The following L2HGDH variants were observed in gnomAD, a reference collection of about 807,000 sequenced individuals.
The protein encoded by L2HGDH is L-2-hydroxyglutarate dehydrogenase, mitochondrial.
A neutral mutation model predicts 51.5 loss-of-function variants in L2HGDH; 34 were observed. The observed-to-expected ratio is 0.66, with a 90% CI of 0.50 to 0.88. L2HGDH has a LOEUF of 0.88. L2HGDH is among the 40% of genes least tolerant of loss of function. The pLI is 0.00. For missense variants in L2HGDH, 558 were observed against 571.9 expected, an observed-to-expected ratio of 0.98 and a Z score of 0.25; for synonymous variants, 198 against 197.9, an observed-to-expected ratio of 1.00 and a Z score of -0.01.
At chr14:50,283,406 CACCTTCTGT>C (rs1890385523) in intron 5 of L2HGDH, among the ~76,000 whole-genome samples, 1 of 152,142 alleles carries the variant, frequency 6.6e-6, no homozygotes, top group African/African-American at 2.4e-5. Flanking sequence ...ATTCAGTCTG[CACCTTCTGT>C]ACCTACCTCT....
intron 6 of L2HGDH, among the ~76,000 whole-genome samples, chr14:50,270,601 G>A (rs4129162): frequency 0.093 from 14,147 of 152,130 alleles, 705 homozygotes; most frequent in Non-Finnish European, 0.12. Flanking sequence ...CCACCTCTTG[G>A]GTTCACGCCA....
chr14:50,299,306 A>C (rs1008434356), intron 3 of L2HGDH, among the ~76,000 whole-genome samples: 2 of 152,194 alleles, frequency 1.3e-5, no homozygotes, highest in African/African-American at 4.8e-5. Flanking sequence ...AACCAATAAA[A>C]GGCAATAAGA....
chr14:50,299,846 G>T (rs980885022), intron 3 of L2HGDH: 3 of 154,308 alleles, frequency 1.9e-5, no homozygotes, highest in African/African-American at 7.2e-5. Flanking sequence ...TTAAGATAAT[G>T]AGAAATACTT....
At position 50,269,084 on chromosome 14, in the gene L2HGDH, C is replaced by G. The variant is rs1889515492; in HGVS notation, c.906+79G>C. 14 of 1,204,496 alleles carry G rather than the reference C, an allele frequency of 1.2e-5. No homozygotes were observed. The East Asian group carries it at 3.5e-4, about 30-fold the overall frequency. The allele number at this position is 1,204,496 out of a possible 1,614,324, so 74.6% of individuals were successfully genotyped here. ...TTCAAAATTTCTCTTATTTCTGACCCAAGTGAAAGTTGTTTTCATCTCCTT... is the reference window on the plus strand; with the variant it reads ...TTCAAAATTTCTCTTATTTCTGACCGAAGTGAAAGTTGTTTTCATCTCCTT... On this transcript the variant is annotated intron_variant, in intron 7 of 9. Transcript: ENST00000267436.
intron 4 of L2HGDH, among the ~76,000 whole-genome samples, chr14:50,293,837 C>T (rs1014468084): frequency 3.9e-5 from 6 of 152,200 alleles, no homozygotes; most frequent in Non-Finnish European, 8.8e-5. Flanking sequence ...ACCCAATGCT[C>T]CCAACCACAC....
At chr14:50,285,028 A>G (rs1351682794) in intron 4 of L2HGDH, among the ~76,000 whole-genome samples, 1 of 152,144 alleles carries the variant, frequency 6.6e-6, no homozygotes, top group Non-Finnish European at 1.5e-5. Context: ...CAGGCGGATC[A>G]CAAGGTCAGG....
At position 50,247,037 on chromosome 14, in the gene L2HGDH, A is replaced by G. The variant is rs779550191; in HGVS notation, c.*21T>C. 6 of 1,609,240 alleles carry G rather than the reference A, an allele frequency of 3.7e-6. No homozygotes were observed. The highest frequency in any genetic ancestry group is 4.2e-6 in the Non-Finnish European group (5 of 1,177,074). ...GTTGCTGACATGAAGATTACAGTGC[A>G]TACCTAGCTCCTTTCATTATTTATA... On this transcript the variant is annotated 3_prime_UTR_variant, in exon 10 of 10. Coordinates refer to ENST00000267436, the MANE Select transcript of L2HGDH (RefSeq NM_024884.3).
In L2HGDH at chr14:50,283,926, A is replaced by T; in HGVS notation, c.648T>A (p.Asn216Lys). The T allele has an allele frequency of 6.2e-7, 1 of 1,614,160 alleles. No individual in the cohort carries two copies. The change falls in exon 5 of 10, where the codon AAT (asparagine) becomes AAA (lysine). Residue 216 changes from asparagine to lysine, a missense_variant. Asn to Lys is a moderately conservative substitution (Grantham distance 94). Coordinates refer to ENST00000267436, the MANE Select transcript of L2HGDH (RefSeq NM_024884.3). ...CCATTTCAATACCTTTTACTTCAAA[A>T]TTGGTCAAGACAGAGCCACCTGCTT... is the stretch of plus-strand genomic sequence containing the variant. ...FQEAGGSVLT[N>K]FEVKGIEMAK...
At chr14:50,270,631 C>G (rs541037445) in intron 6 of L2HGDH, among the ~76,000 whole-genome samples, 2 of 152,214 alleles carry the variant, frequency 1.3e-5, no homozygotes, top group Non-Finnish European at 2.9e-5. Context: ...CTCAGCCTTC[C>G]GAGTAGCCGG....
chr14:50,295,334 C>T (rs1387908702), intron 3 of L2HGDH, among the ~76,000 whole-genome samples: 1 of 152,096 alleles, frequency 6.6e-6, no homozygotes, highest in Non-Finnish European at 1.5e-5. Context: ...GTGATTGTGC[C>T]ACTGCACTCC....
intron 1 of L2HGDH, among the ~76,000 whole-genome samples, chr14:50,303,435 T>A (rs2030538189): frequency 6.8e-6 from 1 of 146,470 alleles, no homozygotes; most frequent in Admixed American, 6.9e-5. Flanking sequence ...TATTGGGCCC[T>A]GTGCTGTTTG....
At chr14:50,274,526 A>G (rs1889870717) in intron 6 of L2HGDH, among the ~76,000 whole-genome samples, 1 of 152,214 alleles carries the variant, frequency 6.6e-6, no homozygotes, top group South Asian at 2.1e-4. Context: ...GACAGCCATC[A>G]CAGGAAACAG....
intron 3 of L2HGDH, among the ~76,000 whole-genome samples, chr14:50,300,529 A>T (rs1449457651): frequency 3.3e-5 from 5 of 152,134 alleles, no homozygotes; most frequent in African/African-American, 9.7e-5. Flanking sequence ...TCCTGACCTC[A>T]AGTGATCTGC....
chr14:50,277,541 C>T (rs1015537364), intron 6 of L2HGDH, among the ~76,000 whole-genome samples: 1 of 151,666 alleles, frequency 6.6e-6, no homozygotes, highest in Admixed American at 6.6e-5. Context: ...TTTGGGAGGC[C>T]GAGGCGGGTG....
intron 6 of L2HGDH, among the ~76,000 whole-genome samples, chr14:50,272,816 C>T (rs915251845): frequency 3.3e-5 from 5 of 152,164 alleles, no homozygotes; most frequent in Non-Finnish European, 5.9e-5. Context: ...GCTAAATTGC[C>T]TCCTTCCTAT....
At chr14:50,304,942 A>C (rs1218575383) in intron 1 of L2HGDH, among the ~76,000 whole-genome samples, 3 of 152,238 alleles carry the variant, frequency 2.0e-5, no homozygotes, top group Non-Finnish European at 4.4e-5. Flanking sequence ...TGGATCTTAT[A>C]GGAACTGTAG....
rs563198564 is a variant in L2HGDH at position 50,308,868 on chromosome 14, C to A, written c.140+3143G>T. ...AACTGGAAGCAGCTTGGATGTTCTT[C>A]AACCCATGGTAAACGGTTAAACAAA... On this transcript the variant is annotated intron_variant, in intron 1 of 9. Transcript: ENST00000267436. Among the ~76,000 whole-genome samples the A allele has an allele frequency of 3.3e-5, 5 of 152,292 alleles. No homozygotes were observed. In the South Asian group the frequency reaches 1.0e-3, roughly 32 times the overall value.
In L2HGDH at chr14:50,243,481, G is replaced by C. The variant is rs1887875505; in HGVS notation, c.*3577C>G. The C allele has an allele frequency of 2.6e-6, 2 of 780,506 alleles. No individual in the cohort carries two copies. Among genetic ancestry groups the C allele is most frequent in the South Asian group, 5.9e-5 (1 of 16,832 alleles). The allele number at this position is 780,506 out of a possible 1,614,324, so 48.3% of individuals were successfully genotyped here. ...AAAATATGTTCTCTACAACACCAAG[G>C]CTCATTAAAATATTTTAAATATTAA... On this transcript the variant is annotated 3_prime_UTR_variant, in exon 10 of 10. Transcript: ENST00000267436.
At chr14:50,271,787 C>A (rs1262719308) in intron 6 of L2HGDH, among the ~76,000 whole-genome samples, 1 of 152,086 alleles carries the variant, frequency 6.6e-6, no homozygotes, top group Non-Finnish European at 1.5e-5. Flanking sequence ...GCAGATTCCC[C>A]CCTCCCCATA....
Sources: allele counts gnomAD v4.1 joint callset (sites outside exome capture counted in the v4.1 genomes callset), GRCh38; gene constraint gnomAD v4.1.1; transcripts MANE v1.5; gene names NCBI Gene and HGNC (gene_info 2026-07-23, HGNC 2026-07-21).